The following NCKAP5 variants were observed in gnomAD, a reference collection of about 807,000 sequenced individuals.
NCKAP5 encodes nck-associated protein 5.
Under a neutral mutation model 167.0 loss-of-function variants are expected in NCKAP5, and 92 were observed. The ratio of observed to expected loss-of-function variants is 0.55; its 90% CI spans 0.47 to 0.66. The LOEUF is 0.66. NCKAP5 is among the 30% of genes least tolerant of loss of function. NCKAP5 has a pLI of 0.00. For synonymous variants in NCKAP5, 891 were observed against 877.4 expected, an observed-to-expected ratio of 1.02 and a Z score of -0.27; for missense variants, 2,378 against 2,315.0, an observed-to-expected ratio of 1.03 and a Z score of -0.56.
At chr2:133,499,735 T>G (rs2151382359) in intron 3 of NCKAP5, among the ~76,000 whole-genome samples, 1 of 152,248 alleles carries the variant, frequency 6.6e-6, no homozygotes, top group East Asian at 1.9e-4. Flanking sequence ...AATTTTTGTA[T>G]TTTTAGTAGA....
At chr2:133,117,986 C>T (rs1397806209) in intron 6 of NCKAP5, 1 of 152,210 alleles carries the variant, frequency 6.6e-6, no homozygotes, top group Non-Finnish European at 1.5e-5. Context: ...CCCATACCAT[C>T]AGGTCTGTCT....
rs1460753912 is a variant in NCKAP5 at position 132,836,454 on chromosome 2, G to A, written c.807+24038C>T. Among the ~76,000 whole-genome samples the A allele has an allele frequency of 4.8e-5, 7 of 147,052 alleles. No individual in the cohort carries two copies. In the East Asian group the frequency reaches 1.4e-3, roughly 29 times the overall value. On this transcript the variant is annotated intron_variant, in intron 11 of 19. Coordinates refer to ENST00000409261, the MANE Select transcript of NCKAP5 (RefSeq NM_207363.3). The stretch of plus-strand genomic sequence containing the variant: ...ATTGTTATTGGTGTTTTTTTTTTCT[G>A]AAAATGTGATTTTTTTCCTTGAAAA...
intron 6 of NCKAP5, among the ~76,000 whole-genome samples, chr2:133,031,744 G>A (rs2149425692): frequency 6.6e-6 from 1 of 152,168 alleles, no homozygotes; most frequent in East Asian, 1.9e-4. Flanking sequence ...AGAGTAGGGA[G>A]GACTTTGTCT....
intron 3 of NCKAP5, among the ~76,000 whole-genome samples, chr2:133,466,039 T>C (rs1171572282): frequency 6.6e-6 from 1 of 151,570 alleles, no homozygotes; most frequent in Non-Finnish European, 1.5e-5. Flanking sequence ...CAATTTTGTC[T>C]TTTGTTGCCA....
chr2:133,453,068 C>T (rs1012346629), intron 3 of NCKAP5, among the ~76,000 whole-genome samples: 1 of 152,024 alleles, frequency 6.6e-6, no homozygotes, highest in Non-Finnish European at 1.5e-5. Context: ...AACCAGTAAT[C>T]AATTTAAAAA....
At chr2:133,623,006 A>C in the NCKAP5 span, among the ~76,000 whole-genome samples, 1 of 152,204 alleles carries the variant, frequency 6.6e-6, no homozygotes, top group Non-Finnish European at 1.5e-5. Flanking sequence ...AATTGCTTAC[A>C]GCCAACTGAT....
intron 7 of NCKAP5, among the ~76,000 whole-genome samples, chr2:132,988,460 C>CAAAA (rs57024269): frequency 3.0e-4 from 21 of 70,594 alleles, no homozygotes; most frequent in African/African-American, 9.5e-4. Flanking sequence ...GACTTTGCCT[C>CAAAA]AAAAAAAAAA....
chr2:133,026,970 C>A (rs548031196), intron 6 of NCKAP5, among the ~76,000 whole-genome samples: 1 of 152,278 alleles, frequency 6.6e-6, no homozygotes, highest in Admixed American at 6.5e-5. Flanking sequence ...GGATACCCAC[C>A]AGGGCAGTTC....
At chr2:132,821,717 C>T (rs1158291605) in intron 11 of NCKAP5, among the ~76,000 whole-genome samples, 1 of 152,108 alleles carries the variant, frequency 6.6e-6, no homozygotes, top group Admixed American at 6.5e-5. Flanking sequence ...TGAGACCCAC[C>T]TCACCAACTG....
intron 3 of NCKAP5, among the ~76,000 whole-genome samples, chr2:133,447,073 T>A (rs2151184515): frequency 6.6e-6 from 1 of 152,202 alleles, no homozygotes; most frequent in East Asian, 1.9e-4. Context: ...CTATGCGTGG[T>A]GGAAAACATG....
At chr2:133,133,870 G>C (rs1215512965) in intron 5 of NCKAP5, among the ~76,000 whole-genome samples, 1 of 152,200 alleles carries the variant, frequency 6.6e-6, no homozygotes, top group Non-Finnish European at 1.5e-5. Context: ...TCCATGGTTA[G>C]AAATAGCAGC....
intron 19 of NCKAP5, among the ~76,000 whole-genome samples, chr2:132,715,326 T>C (rs1689262454): frequency 6.6e-6 from 1 of 152,172 alleles, no homozygotes; most frequent in African/African-American, 2.4e-5. Flanking sequence ...CTGCAGATGA[T>C]TGTTAATCTT....
chr2:133,277,455 C>T (rs10928448), intron 4 of NCKAP5, among the ~76,000 whole-genome samples: 17 of 151,738 alleles, frequency 1.1e-4, no homozygotes, highest in Non-Finnish European at 1.5e-4. Flanking sequence ...AATTAGAAGT[C>T]GAAATGTATA....
At position 133,276,338 on chromosome 2, in the gene NCKAP5, C is replaced by T. The variant is rs558560940; in HGVS notation, c.143+26699G>A. 1.4e-4 allele frequency among the ~76,000 whole-genome samples: 22 copies of T among 152,084 alleles called. 1 individual carries two copies. In the South Asian group the frequency reaches 3.9e-3, roughly 27 times the overall value. On this transcript the variant is annotated intron_variant, in intron 4 of 19. Coordinates refer to ENST00000409261, the MANE Select transcript of NCKAP5 (RefSeq NM_207363.3). Reference sequence around the variant, plus strand: ...TGTTATTCAGGGAATTTTGACTCTTCAGGGGTCAGCACCCCTAACTCCTAT... The same window carrying T: ...TGTTATTCAGGGAATTTTGACTCTTTAGGGGTCAGCACCCCTAACTCCTAT...
At chr2:133,071,602 C>T (rs1240138051) in intron 6 of NCKAP5, among the ~76,000 whole-genome samples, 1 of 152,208 alleles carries the variant, frequency 6.6e-6, no homozygotes, top group African/African-American at 2.4e-5. Context: ...GCTGGGTAGT[C>T]CTACAGATTT....
the NCKAP5 span, among the ~76,000 whole-genome samples, chr2:133,648,973 G>C: frequency 6.6e-6 from 1 of 151,356 alleles, no homozygotes; most frequent in African/African-American, 2.4e-5. Context: ...GTTTTGAAAA[G>C]ATCAACAAAA....
intron 4 of NCKAP5, among the ~76,000 whole-genome samples, chr2:133,264,760 T>G (rs2089099832): frequency 6.6e-6 from 1 of 152,210 alleles, no homozygotes; most frequent in African/African-American, 2.4e-5. Context: ...ACAGTCAGAC[T>G]GGGAAGGAGA....
intron 6 of NCKAP5, chr2:133,117,077 C>G (rs1022449477): frequency 1.3e-5 from 2 of 152,122 alleles, no homozygotes; most frequent in Non-Finnish European, 2.9e-5. Context: ...CTCATGGGAG[C>G]CTCAGTTTCC....
intron 11 of NCKAP5, among the ~76,000 whole-genome samples, chr2:132,815,578 T>A (rs903691245): frequency 6.6e-6 from 1 of 152,202 alleles, no homozygotes; most frequent in South Asian, 2.1e-4. Context: ...TGTGGGATGG[T>A]AAATTTATTT....
Sources: allele counts gnomAD v4.1 joint callset (sites outside exome capture counted in the v4.1 genomes callset), GRCh38; gene constraint gnomAD v4.1.1; transcripts MANE v1.5; gene names NCBI Gene and HGNC (gene_info 2026-07-23, HGNC 2026-07-21).